The following RNF220 variants were observed in gnomAD, a reference collection of about 807,000 sequenced individuals.
RNF220 encodes ring finger protein 220.
A neutral mutation model predicts 67.1 loss-of-function variants in RNF220; 7 were observed. That is an observed-to-expected ratio of 0.10 (90% CI 0.06 to 0.20). The LOEUF is 0.20. RNF220 is among the 10% of genes least tolerant of loss of function. RNF220 has a pLI of 1.00. For synonymous variants in RNF220, 270 were observed against 283.2 expected (o/e 0.95, Z 0.47); for missense variants, 565 against 740.3 (o/e 0.76, Z 2.75).
At chr1:44,519,327 T>G (rs1349226336) in intron 2 of RNF220, among the ~76,000 whole-genome samples, 1 of 152,148 alleles carries the variant, frequency 6.6e-6, no homozygotes, top group African/African-American at 2.4e-5. Context: ...TGATAATAAA[T>G]CAGACAAAGT....
chr1:44,537,721 T>G (rs1572812397), intron 2 of RNF220, among the ~76,000 whole-genome samples: 1 of 152,162 alleles, frequency 6.6e-6, no homozygotes, highest in East Asian at 1.9e-4. Context: ...TTCCAAGACA[T>G]CTTTCCATCC....
intron 2 of RNF220, among the ~76,000 whole-genome samples, chr1:44,506,987 A>G (rs1658489858): frequency 6.6e-6 from 1 of 152,160 alleles, no homozygotes. Context: ...ATTTCTGGGT[A>G]AGTATGAGAA....
intron 2 of RNF220, among the ~76,000 whole-genome samples, chr1:44,611,749 TCTC>T (rs1295879013): frequency 2.0e-5 from 3 of 152,148 alleles, no homozygotes; most frequent in African/African-American, 7.2e-5. Flanking sequence ...TAATTTGTGT[TCTC>T]CTCGAGGCCA....
At chr1:44,566,259 C>G (rs1664005739) in intron 2 of RNF220, among the ~76,000 whole-genome samples, 1 of 152,198 alleles carries the variant, frequency 6.6e-6, no homozygotes, top group South Asian at 2.1e-4. Flanking sequence ...GAGGGTCCCT[C>G]TGGGGTCGAC....
chr1:44,474,686 G>A (rs1049565922), intron 2 of RNF220, among the ~76,000 whole-genome samples: 6 of 151,784 alleles, frequency 4.0e-5, no homozygotes, highest in Non-Finnish European at 8.8e-5. Flanking sequence ...TCCAGCCTGG[G>A]TGACAAGGCG....
intron 2 of RNF220, among the ~76,000 whole-genome samples, chr1:44,611,527 C>G (rs1643307351): frequency 1.3e-5 from 2 of 152,194 alleles, no homozygotes; most frequent in South Asian, 2.1e-4. Flanking sequence ...ACCATTGCCC[C>G]CTTCAGACCC....
chr1:44,547,290 T>C (rs1178032966), intron 2 of RNF220, among the ~76,000 whole-genome samples: 2 of 152,220 alleles, frequency 1.3e-5, no homozygotes, highest in African/African-American at 4.8e-5. Context: ...GCTCAAAGGC[T>C]TTTTTATATT....
At chr1:44,414,823 G>C (rs1427526837) in intron 2 of RNF220, among the ~76,000 whole-genome samples, 2 of 151,566 alleles carry the variant, frequency 1.3e-5, no homozygotes, top group African/African-American at 2.4e-5. Flanking sequence ...CCCTTATAGA[G>C]TACCCTGTGT....
chr1:44,565,118 C>A lies in RNF220; in HGVS notation c.626-49047C>A, dbSNP rs182701979. ...CTTAGGACATGCTTGGTCAGCACTC[C>A]GTGAATAAATGAATGAGTGAGTGAA... On this transcript the variant is annotated intron_variant, in intron 2 of 14. Transcript: ENST00000361799. This position sits in a 1 kb window ranked among gnomAD's most constrained non-coding sequence, Gnocchi z 4.2. Among the ~76,000 whole-genome samples, 3 of 152,190 alleles carry A rather than the reference C, an allele frequency of 2.0e-5. No homozygotes were observed. The highest frequency in any genetic ancestry group is 7.2e-5 in the African/African-American group (3 of 41,436).
At chr1:44,472,549 T>G (rs977778708) in intron 2 of RNF220, among the ~76,000 whole-genome samples, 17 of 152,138 alleles carry the variant, frequency 1.1e-4, no homozygotes, top group African/African-American at 3.6e-4. Flanking sequence ...GAATGTAGAG[T>G]CTTTTTGAAA....
In RNF220 at chr1:44,645,271, G is replaced by A. The variant is rs1644606592; in HGVS notation, c.1361G>A (p.Ser454Asn). ...RITPEFSKWA[S>N]DEMPSTSNGE... ...ACACCTGAGTTCTCTAAATGGGCCA[G>A]TGATGGTAAGTCCTGCCCCAGGTTA... Residue 454 changes from serine (S) to asparagine (N), a missense_variant, in exon 11 of 15, where the codon AGT (serine) becomes AAT (asparagine). By Grantham distance (46) the Ser-to-Asn change is conservative (BLOSUM62 1). Coordinates refer to ENST00000361799, the MANE Select transcript of RNF220 (RefSeq NM_018150.4). The surrounding 1 kb of genome is among the most constrained non-coding windows in gnomAD (Gnocchi z 5.0). 5.0e-6 allele frequency: 8 copies of A among 1,614,028 alleles called. No individual in the cohort carries two copies. The highest frequency in any genetic ancestry group is 1.3e-5 in the African/African-American group (1 of 74,898).
intron 2 of RNF220, among the ~76,000 whole-genome samples, chr1:44,601,598 G>A (rs1666923754): frequency 6.6e-6 from 1 of 152,192 alleles, no homozygotes. Context: ...GGAGGGAACA[G>A]GGAGGTGAGA....
chr1:44,517,933 C>G, intron 2 of RNF220, among the ~76,000 whole-genome samples: 1 of 151,876 alleles, frequency 6.6e-6, no homozygotes, highest in Non-Finnish European at 1.5e-5. Flanking sequence ...ATGGCAAAAC[C>G]CTTTCTCTAC....
intron 8 of RNF220, 157 bp downstream of exon 8, chr1:44,636,319 G>T: frequency 1.1e-6 from 1 of 908,724 alleles, no homozygotes. Context: ...TGACCGTGCT[G>T]CCTGCCTGTG....
At chr1:44,509,173 A>G (rs1355302111) in intron 2 of RNF220, among the ~76,000 whole-genome samples, 2 of 152,152 alleles carry the variant, frequency 1.3e-5, no homozygotes, top group African/African-American at 4.8e-5. Flanking sequence ...GCTGAGGCAA[A>G]AGAGGTAATA....
At chr1:44,413,381 T>A (rs557703067) in intron 2 of RNF220, among the ~76,000 whole-genome samples, 50 of 152,324 alleles carry the variant, frequency 3.3e-4, no homozygotes, top group African/African-American at 1.2e-3. Context: ...CTAGACACGG[T>A]TGACCTGTGT....
At chr1:44,644,602 T>G (rs1161572111) in intron 8 of RNF220, 96 bp from the exon 9 acceptor site, 1 of 887,010 alleles carries the variant, frequency 1.1e-6, no homozygotes, top group East Asian at 2.4e-5. Flanking sequence ...CTGGGCCTTA[T>G]CAGGTCCAAA....
chr1:44,453,790 G>A (rs916682700), intron 2 of RNF220, among the ~76,000 whole-genome samples: 1 of 152,016 alleles, frequency 6.6e-6, no homozygotes, highest in Non-Finnish European at 1.5e-5. Flanking sequence ...TATTAGTTTA[G>A]TGCAATGGTT....
At chr1:44,469,277 G>T (rs1234716784) in intron 2 of RNF220, among the ~76,000 whole-genome samples, 3 of 152,152 alleles carry the variant, frequency 2.0e-5, no homozygotes, top group Non-Finnish European at 4.4e-5. Flanking sequence ...TGAATCATCT[G>T]ATAAAGGAAA....
Sources: gnomAD v4.1 joint callset for allele counts (sites outside exome capture counted in the v4.1 genomes callset) on GRCh38, gnomAD v4.1.1 for gene constraint, Gnocchi (gnomAD v3.1) non-coding constraint, MANE v1.5 for transcripts, NCBI Gene and HGNC (gene_info 2026-07-23, HGNC 2026-07-21) for gene names.